Variants in DAB1 observed in about 807,000 individuals in gnomAD.
The protein encoded by DAB1 is DAB adaptor protein 1.
A neutral mutation model predicts 64.6 loss-of-function variants in DAB1; 15 were observed. That is an observed-to-expected ratio of 0.23 (90% confidence interval 0.16 to 0.36). DAB1 has a LOEUF of 0.36. Ranked by LOEUF, DAB1 falls within the 10% of genes least tolerant of loss-of-function variation. The pLI is 1.00. For missense variants in DAB1, 596 were observed against 706.7 expected, an observed-to-expected ratio of 0.84 and a Z score of 1.78; for synonymous variants, 235 against 251.9, an observed-to-expected ratio of 0.93 and a Z score of 0.64.
intron 1 of DAB1, among the ~76,000 whole-genome samples, chr1:57,393,350 A>G (rs1223085519): frequency 6.6e-6 from 1 of 152,190 alleles, no homozygotes; most frequent in African/African-American, 2.4e-5. Context: ...GATTCAGGCA[A>G]GCATTTCAGG....
chr1:57,281,498 C>A (rs1461719303), intron 2 of DAB1, among the ~76,000 whole-genome samples: 1 of 152,082 alleles, frequency 6.6e-6, no homozygotes, highest in African/African-American at 2.4e-5. Flanking sequence ...TCAGTGGGAC[C>A]ACTCGGTGAC....
intron 2 of DAB1, among the ~76,000 whole-genome samples, chr1:57,170,042 G>C (rs12123599): frequency 0.26 from 39,348 of 149,880 alleles, 6,324 homozygotes; most frequent in Middle Eastern, 0.38. Context: ...TGTCACCCAG[G>C]CTGGAGTGCA....
intron 4 of DAB1, among the ~76,000 whole-genome samples, chr1:58,315,589 T>C (rs926895577): frequency 6.6e-6 from 1 of 152,216 alleles, no homozygotes; most frequent in African/African-American, 2.4e-5. Flanking sequence ...TGGTTCTATC[T>C]TGGGTAACAA....
intron 2 of DAB1, among the ~76,000 whole-genome samples, chr1:57,170,926 C>T (rs74074119): frequency 0.014 from 2,146 of 152,272 alleles, 65 homozygotes; most frequent in African/African-American, 0.048. Flanking sequence ...GTGGCTTGCT[C>T]TGCAGGGTCC....
At chr1:58,246,942 A>C (rs911250520) in intron 4 of DAB1, among the ~76,000 whole-genome samples, 1 of 151,972 alleles carries the variant, frequency 6.6e-6, no homozygotes, top group Non-Finnish European at 1.5e-5. Context: ...TCACAGGAAC[A>C]TGAGGAGGGA....
At chr1:58,521,510 T>C (rs575801962) in intron 2 of DAB1, among the ~76,000 whole-genome samples, 18 of 151,790 alleles carry the variant, frequency 1.2e-4, no homozygotes, top group Non-Finnish European at 1.9e-4. Context: ...TTTGAAAAGA[T>C]TGATGAAAGT....
intron 3 of DAB1, chr1:58,468,926 G>A (rs1252096483): frequency 2.1e-5 from 5 of 243,772 alleles, no homozygotes; most frequent in African/African-American, 1.1e-4. Flanking sequence ...ACCCCTCCAT[G>A]GCCGCTACAC....
chr1:58,529,872 CTTTTAT>C (rs1180619611), intron 1 of DAB1, among the ~76,000 whole-genome samples: 4 of 151,866 alleles, frequency 2.6e-5, no homozygotes, highest in Non-Finnish European at 4.4e-5. Flanking sequence ...AAACACCATG[CTTTTAT>C]TTTTATTTTT....
chr1:57,580,894 A>G (rs1273942187), intron 7 of DAB1, among the ~76,000 whole-genome samples: 1 of 152,228 alleles, frequency 6.6e-6, no homozygotes, highest in Non-Finnish European at 1.5e-5. Flanking sequence ...CAGTACCCCA[A>G]GAACTGGCAC....
At chr1:57,779,969 A>C (rs1408141) in intron 6 of DAB1, among the ~76,000 whole-genome samples, 77,523 of 151,982 alleles carry the variant, frequency 0.51, 20,626 homozygotes, top group South Asian at 0.64. Context: ...CCTTGCTTAC[A>C]AATGACTAAT....
At chr1:57,419,827 T>A (rs1684764681) in intron 1 of DAB1, among the ~76,000 whole-genome samples, 1 of 152,260 alleles carries the variant, frequency 6.6e-6, no homozygotes, top group Non-Finnish European at 1.5e-5. Flanking sequence ...CTGGTAGAGC[T>A]GAGATCTGAA....
intron 5 of DAB1, among the ~76,000 whole-genome samples, chr1:58,150,114 T>A (rs757347610): frequency 6.6e-6 from 1 of 152,172 alleles, no homozygotes; most frequent in Non-Finnish European, 1.5e-5. Context: ...AGTGTTAGTA[T>A]TCTCATTGTA....
chr1:58,163,777 C>A, intron 4 of DAB1, among the ~76,000 whole-genome samples: 1 of 152,192 alleles, frequency 6.6e-6, no homozygotes. Flanking sequence ...AATAACTCCA[C>A]TGGTCTGACA....
chr1:57,800,645 A>C (rs1651079416), intron 6 of DAB1, among the ~76,000 whole-genome samples: 1 of 152,222 alleles, frequency 6.6e-6, no homozygotes, highest in African/African-American at 2.4e-5. Flanking sequence ...TTGGGATTTA[A>C]GTTACAGTCT....
chr1:57,062,772 T>C (rs1231567371), intron 9 of DAB1, 112 bp downstream of exon 9: 11 of 855,552 alleles, frequency 1.3e-5, no homozygotes, highest in African/African-American at 3.4e-5. Context: ...AGCAGAAACA[T>C]GTGGGGCCAT....
chr1:57,734,890 G>A (rs558599999), intron 6 of DAB1, among the ~76,000 whole-genome samples: 1 of 152,196 alleles, frequency 6.6e-6, no homozygotes, highest in African/African-American at 2.4e-5. Context: ...ATGATTTAAA[G>A]GAGCTCTTTT....
intron 3 of DAB1, among the ~76,000 whole-genome samples, chr1:58,429,522 T>G (rs1644849890): frequency 6.6e-6 from 1 of 152,188 alleles, no homozygotes; most frequent in South Asian, 2.1e-4. Flanking sequence ...CAGAGGCTGC[T>G]GGTGGACTGT....
chr1:58,335,615 A>T (rs1402873622), intron 4 of DAB1, among the ~76,000 whole-genome samples: 2 of 152,098 alleles, frequency 1.3e-5, no homozygotes. Context: ...ACGGGGGATA[A>T]CCAGGAAGCT....
chr1:57,695,465 T>C (rs1464436248), intron 6 of DAB1, among the ~76,000 whole-genome samples: 2 of 152,122 alleles, frequency 1.3e-5, no homozygotes, highest in African/African-American at 2.4e-5. Flanking sequence ...TAAGTCTGTA[T>C]GTCTGTATAA....
Sources: allele counts gnomAD v4.1 joint callset (sites outside exome capture counted in the v4.1 genomes callset), GRCh38; gene constraint gnomAD v4.1.1; transcripts MANE v1.5; gene names NCBI Gene and HGNC (gene_info 2026-07-23, HGNC 2026-07-21).